The following GALNT13 variants were observed in gnomAD, a reference collection of about 807,000 sequenced individuals.
GALNT13 encodes the protein polypeptide N-acetylgalactosaminyltransferase 13, also known as UDP-GalNAc:polypeptide N-acetylgalactosaminyltransferase 13.
In GALNT13, 28 loss-of-function variants were observed where a neutral mutation model predicts 64.2. That is an observed-to-expected ratio of 0.44 (90% CI 0.32 to 0.60). The LOEUF (loss-of-function observed/expected upper bound fraction) is 0.60, where lower values mean the gene tolerates loss of function less well. GALNT13 is among the 20% of genes least tolerant of loss of function. The pLI is 0.05. For synonymous variants in GALNT13, 214 were observed against 224.6 expected, an observed-to-expected ratio of 0.95 and a Z score of 0.42; for missense variants, 577 against 669.8, an observed-to-expected ratio of 0.86 and a Z score of 1.53.
At chr2:154,111,674 A>C (rs182174320) in intron 3 of GALNT13, among the ~76,000 whole-genome samples, 127 of 152,214 alleles carry the variant, frequency 8.3e-4, no homozygotes, top group African/African-American at 2.9e-3. Context: ...TTCCACTTCC[A>C]CCCCTTGATT....
At chr2:153,801,248 T>G in the GALNT13 span, among the ~76,000 whole-genome samples, 1 of 152,292 alleles carries the variant, frequency 6.6e-6, no homozygotes, top group African/African-American at 2.4e-5. Context: ...TTAAATTTTC[T>G]TCAAAAATTT....
the GALNT13 span, among the ~76,000 whole-genome samples, chr2:153,557,066 C>T: frequency 6.6e-6 from 1 of 152,024 alleles, no homozygotes; most frequent in Non-Finnish European, 1.5e-5. Context: ...AGTCATGCAC[C>T]ACATAATGAC....
the GALNT13 span, among the ~76,000 whole-genome samples, chr2:153,798,860 C>T: frequency 3.3e-5 from 5 of 151,978 alleles, no homozygotes; most frequent in African/African-American, 7.3e-5. Flanking sequence ...AACTGTTATC[C>T]CCACATTTCT....
chr2:153,162,943 G>C, the GALNT13 span, among the ~76,000 whole-genome samples: 6 of 152,116 alleles, frequency 3.9e-5, no homozygotes, highest in African/African-American at 1.2e-4. Flanking sequence ...GCTGAGAGAG[G>C]CTGGGGCCTC....
chr2:153,635,441 C>CATATATATATGTATATATATAT, the GALNT13 span, among the ~76,000 whole-genome samples: 11 of 129,854 alleles, frequency 8.5e-5, no homozygotes, highest in African/African-American at 1.5e-4. Context: ...TATATATATA[C>CATATATATATGTATATATATAT]ACACATATAT....
At chr2:153,157,357 A>G in the GALNT13 span, among the ~76,000 whole-genome samples, 165 of 152,320 alleles carry the variant, frequency 1.1e-3, 1 homozygote, top group African/African-American at 3.6e-3. Context: ...GCTGCAATAA[A>G]GCTTCCTTTC....
chr2:153,876,236 T>C lies in GALNT13; in HGVS notation c.-177+3933T>C, dbSNP rs62174144. Among the ~76,000 whole-genome samples, 820 of 107,092 alleles carry C rather than the reference T, an allele frequency of 7.7e-3. 8 individuals are homozygous for C. The highest frequency in any genetic ancestry group is 0.027 in the African/African-American group (734 of 27,652). The allele number at this position is 107,092 out of a possible 152,430, so 70.3% of individuals were successfully genotyped here. A position where few individuals can be genotyped will look rare whatever the true frequency, so the allele number is the denominator to read the frequency against. On this transcript the variant is annotated intron_variant, in intron 1 of 12. Coordinates refer to ENST00000392825, the MANE Select transcript of GALNT13 (RefSeq NM_052917.4). ...ACACACACACACACACACACACACA[T>C]ACACACACAGTGGCTAAGCATATGT... is the stretch of plus-strand genomic sequence containing the variant.
intron 3 of GALNT13, among the ~76,000 whole-genome samples, chr2:154,024,704 T>A (rs939936628): frequency 2.0e-5 from 3 of 152,340 alleles, no homozygotes; most frequent in African/African-American, 7.2e-5. Flanking sequence ...GTCAAACTCA[T>A]TCTCCATCCA....
chr2:153,686,014 G>T, the GALNT13 span, among the ~76,000 whole-genome samples: 1 of 151,952 alleles, frequency 6.6e-6, no homozygotes, highest in African/African-American at 2.4e-5. Context: ...GTCTGTTTTT[G>T]TACCAGTACC....
At chr2:154,020,787 C>G (rs973388710) in intron 3 of GALNT13, among the ~76,000 whole-genome samples, 2 of 151,694 alleles carry the variant, frequency 1.3e-5, no homozygotes, top group African/African-American at 4.8e-5. Context: ...TGCCTATGTC[C>G]TGAATGGTAT....
chr2:153,285,958 C>T, the GALNT13 span, among the ~76,000 whole-genome samples: 1 of 151,800 alleles, frequency 6.6e-6, no homozygotes, highest in East Asian at 1.9e-4. Context: ...ACCTATGAAA[C>T]ACAAGAGAAT....
intron 1 of GALNT13, among the ~76,000 whole-genome samples, chr2:153,885,165 T>C: frequency 6.6e-6 from 1 of 152,044 alleles, no homozygotes; most frequent in South Asian, 2.1e-4. Flanking sequence ...TATCATTTTA[T>C]TGAGAATAAA....
At chr2:153,322,789 A>T in the GALNT13 span, among the ~76,000 whole-genome samples, 1 of 152,106 alleles carries the variant, frequency 6.6e-6, no homozygotes. Flanking sequence ...GCTGAGAATG[A>T]TGGTTTCCAG....
chr2:153,104,101 C>G, the GALNT13 span, among the ~76,000 whole-genome samples: 2 of 152,142 alleles, frequency 1.3e-5, no homozygotes, highest in African/African-American at 2.4e-5. Flanking sequence ...TACATATTTA[C>G]TGAATTAAAG....
the GALNT13 span, among the ~76,000 whole-genome samples, chr2:153,796,276 G>A: frequency 9.2e-5 from 14 of 152,188 alleles, no homozygotes; most frequent in Non-Finnish European, 8.8e-5. Flanking sequence ...ATTATCGCAA[G>A]AAGAGAGAAA....
At chr2:153,299,554 G>A in the GALNT13 span, among the ~76,000 whole-genome samples, 1 of 152,200 alleles carries the variant, frequency 6.6e-6, no homozygotes, top group Non-Finnish European at 1.5e-5. Context: ...CGAAGATGCA[G>A]CAGAGAGCTG....
At chr2:153,183,602 G>A in the GALNT13 span, among the ~76,000 whole-genome samples, 1 of 152,156 alleles carries the variant, frequency 6.6e-6, no homozygotes, top group African/African-American at 2.4e-5. Context: ...TATAGTTTTG[G>A]GTTTTACATT....
At chr2:153,219,100 C>T in the GALNT13 span, among the ~76,000 whole-genome samples, 1 of 152,138 alleles carries the variant, frequency 6.6e-6, no homozygotes, top group Non-Finnish European at 1.5e-5. Flanking sequence ...TTGGGGATGG[C>T]CACCCAGTAA....
chr2:153,579,650 A>T, the GALNT13 span, among the ~76,000 whole-genome samples: 1 of 152,146 alleles, frequency 6.6e-6, no homozygotes, highest in Non-Finnish European at 1.5e-5. Context: ...TGGGCCATGG[A>T]CCTGTACTGG....
Sources: gnomAD v4.1 joint callset for allele counts (sites outside exome capture counted in the v4.1 genomes callset) on GRCh38, gnomAD v4.1.1 for gene constraint, MANE v1.5 for transcripts, NCBI Gene and HGNC (gene_info 2026-07-23, HGNC 2026-07-21) for gene names.